The following WWOX variants were observed in gnomAD, a reference collection of about 807,000 sequenced individuals.
WWOX encodes WW domain containing oxidoreductase, also known as WW domain-containing oxidoreductase.
WWOX carries 69 observed loss-of-function variants against 46.2 expected under a neutral mutation model. The ratio of observed to expected loss-of-function variants is 1.49; its 90% confidence interval spans 1.23 to 1.82. WWOX has a LOEUF of 1.82. Ranked by LOEUF, WWOX falls within the 40% of genes most tolerant of loss-of-function variation. The pLI, the probability that WWOX is intolerant of heterozygous loss-of-function variation, is 0.00. For missense variants in WWOX, 919 were observed against 542.6 expected (o/e 1.69, Z -6.89); for synonymous variants, 359 against 202.6 (o/e 1.77, Z -6.56).
intron 5 of WWOX, among the ~76,000 whole-genome samples, chr16:78,200,061 G>C (rs2036185619): frequency 6.6e-6 from 1 of 152,168 alleles, no homozygotes; most frequent in South Asian, 2.1e-4. Flanking sequence ...GAATGGCAAG[G>C]GAGGAAATAA....
intron 8 of WWOX, among the ~76,000 whole-genome samples, chr16:78,530,159 A>G (rs973424686): frequency 1.3e-5 from 2 of 152,180 alleles, no homozygotes; most frequent in Non-Finnish European, 2.9e-5. Flanking sequence ...TGGCCCTGGG[A>G]TAGCATCTGG....
rs749015478 is a variant in WWOX at position 78,370,130 on chromosome 16, C to CAAAAAA, written c.517-16715_517-16710dup. Among the ~76,000 whole-genome samples the CAAAAAA allele has an allele frequency of 1.3e-3, 97 of 75,968 alleles. 1 individual carries two copies. The highest frequency in any genetic ancestry group is 1.9e-3 in the Non-Finnish European group (84 of 43,168). 49.8% of individuals were successfully genotyped at this position (75,968 alleles called of 152,430 possible). A position where few individuals can be genotyped will look rare whatever the true frequency, so the allele number is the denominator to read the frequency against. On this transcript the variant is annotated intron_variant, in intron 5 of 8. Coordinates refer to ENST00000566780, the MANE Select transcript of WWOX (RefSeq NM_016373.4). ...CTGGGAGACAGAGCAAGACTGTCTC[C>CAAAAAA]AAAAAAAAAAAAAAAAAAAAGGGCA...
At chr16:78,998,032 A>G (rs1039472637) in intron 8 of WWOX, among the ~76,000 whole-genome samples, 1 of 151,920 alleles carries the variant, frequency 6.6e-6, no homozygotes, top group African/African-American at 2.4e-5. Flanking sequence ...ATGCGCCACC[A>G]TACCTAGCTA....
At chr16:78,811,899 G>T (rs1008997152) in intron 8 of WWOX, among the ~76,000 whole-genome samples, 2 of 152,112 alleles carry the variant, frequency 1.3e-5, no homozygotes, top group African/African-American at 4.8e-5. Flanking sequence ...TGAGTCATGA[G>T]CATAATAAGA....
chr16:78,751,459 TTTTATATATA>T (rs1159527089), intron 8 of WWOX, among the ~76,000 whole-genome samples: 2 of 62,558 alleles, frequency 3.2e-5, no homozygotes, highest in African/African-American at 1.3e-4. Context: ...ATTTATCAGA[TTTTATATATA>T]TATATATATA....
intron 5 of WWOX, among the ~76,000 whole-genome samples, chr16:78,341,650 G>C (rs548895308): frequency 8.4e-6 from 1 of 119,760 alleles, no homozygotes; most frequent in South Asian, 2.5e-4. Context: ...TGGGCAACAT[G>C]CAGGAGAAAC....
At chr16:78,817,928 G>T (rs1182848437) in intron 8 of WWOX, among the ~76,000 whole-genome samples, 3 of 152,138 alleles carry the variant, frequency 2.0e-5, no homozygotes, top group African/African-American at 7.2e-5. Flanking sequence ...GAGACTCTGA[G>T]TGCAAGTTTG....
intron 8 of WWOX, among the ~76,000 whole-genome samples, chr16:78,944,217 C>T (rs1048908622): frequency 4.6e-5 from 7 of 152,044 alleles, no homozygotes; most frequent in African/African-American, 7.2e-5. Flanking sequence ...ATCTCTTCTA[C>T]CCTCCCTTTC....
chr16:78,174,542 A>G (rs2151746457), intron 5 of WWOX, among the ~76,000 whole-genome samples: 1 of 152,342 alleles, frequency 6.6e-6, no homozygotes, highest in South Asian at 2.1e-4. Context: ...CTGACATGCT[A>G]AATACATTTA....
chr16:78,290,252 G>C (rs1198773950), intron 5 of WWOX, among the ~76,000 whole-genome samples: 3 of 151,746 alleles, frequency 2.0e-5, no homozygotes, highest in African/African-American at 7.3e-5. Context: ...TCTGCGAGCG[G>C]ACATGTCGAT....
At chr16:78,789,629 G>A (rs1290899123) in intron 8 of WWOX, among the ~76,000 whole-genome samples, 1 of 151,968 alleles carries the variant, frequency 6.6e-6, no homozygotes, top group Non-Finnish European at 1.5e-5. Flanking sequence ...TGGGTATTCT[G>A]GGTCCCTTGT....
chr16:78,671,983 C>T (rs946133349), intron 8 of WWOX, among the ~76,000 whole-genome samples: 4 of 152,106 alleles, frequency 2.6e-5, no homozygotes, highest in African/African-American at 9.7e-5. Flanking sequence ...CCTTGGCAGT[C>T]TACTACGCAA....
At chr16:78,303,299 T>A (rs2080075170) in intron 5 of WWOX, among the ~76,000 whole-genome samples, 1 of 152,186 alleles carries the variant, frequency 6.6e-6, no homozygotes, top group Admixed American at 6.5e-5. Flanking sequence ...ATCAGAAGTA[T>A]TTTTTATGTT....
intron 8 of WWOX, among the ~76,000 whole-genome samples, chr16:78,449,202 T>A (rs2083631706): frequency 1.3e-5 from 2 of 152,150 alleles, no homozygotes; most frequent in Admixed American, 1.3e-4. Flanking sequence ...CACGTAGGGA[T>A]CTCCATCATG....
In WWOX at chr16:79,121,915, C is replaced by T. The variant is rs570203170; in HGVS notation, c.1057-89693C>T. On this transcript the variant is annotated intron_variant, in intron 8 of 8. Transcript: ENST00000566780. ...TGTGTTTTTTTAATATCCCATCCAG[C>T]CCCCAGCCCCAGTAACCCTAAGATT... 4.6e-5 allele frequency among the ~76,000 whole-genome samples: 7 copies of T among 152,074 alleles called. No individual in the cohort carries two copies. In the South Asian group the frequency reaches 1.5e-3, roughly 32 times the overall value.
intron 8 of WWOX, among the ~76,000 whole-genome samples, chr16:79,059,075 C>G (rs957613648): frequency 6.6e-6 from 1 of 152,162 alleles, no homozygotes; most frequent in Non-Finnish European, 1.5e-5. Flanking sequence ...TAGGAAATAT[C>G]TCCTTTTGAA....
chr16:78,507,775 C>T (rs540557748), intron 8 of WWOX, among the ~76,000 whole-genome samples: 1 of 152,146 alleles, frequency 6.6e-6, no homozygotes, highest in African/African-American at 2.4e-5. Flanking sequence ...AGCGCAGAGC[C>T]ATTCTCAGCA....
intron 8 of WWOX, among the ~76,000 whole-genome samples, chr16:78,578,281 TATA>T (rs1315719963): frequency 4.1e-5 from 2 of 48,828 alleles, no homozygotes; most frequent in Admixed American, 2.5e-4. Flanking sequence ...TATATATATA[TATA>T]TTTTTTTTTT....
At chr16:78,547,086 C>G (rs952600533) in intron 8 of WWOX, among the ~76,000 whole-genome samples, 1 of 139,264 alleles carries the variant, frequency 7.2e-6, no homozygotes, top group Non-Finnish European at 1.5e-5. Flanking sequence ...CAAGATCATG[C>G]CACTGCACTC....
Sources: gnomAD v4.1 joint callset for allele counts (sites outside exome capture counted in the v4.1 genomes callset) on GRCh38, gnomAD v4.1.1 for gene constraint, MANE v1.5 for transcripts, NCBI Gene and HGNC (gene_info 2026-07-23, HGNC 2026-07-21) for gene names.